KCNB2: variants seen among roughly 807,000 people sequenced by gnomAD.
KCNB2 encodes potassium voltage-gated channel subfamily B member 2, also known as delayed rectifier potassium channel protein.
Under a neutral mutation model 61.5 loss-of-function variants are expected in KCNB2, and 15 were observed. The ratio of observed to expected loss-of-function variants is 0.24; its 90% CI spans 0.16 to 0.38. The LOEUF (loss-of-function observed/expected upper bound fraction) is 0.38. Ranked by LOEUF, KCNB2 falls within the 10% of genes least tolerant of loss-of-function variation. The probability of loss-of-function intolerance (pLI) is 1.00; values close to 1 mark genes in which losing one functional copy is unlikely to be tolerated. For synonymous variants in KCNB2, 457 were observed against 446.0 expected, an observed-to-expected ratio of 1.02 and a Z score of -0.31; for missense variants, 828 against 1,125.2, an observed-to-expected ratio of 0.74 and a Z score of 3.78.
In KCNB2 at chr8:72,769,520, A is replaced by T. The variant is rs577178647; in HGVS notation, c.580-166415A>T. Among the ~76,000 whole-genome samples the T allele has an allele frequency of 3.9e-5, 6 of 152,326 alleles. No homozygotes were observed. The East Asian group carries it at 1.2e-3, about 29-fold the overall frequency. ...TTAATTCTGCCAGGGGTGCAATTTG[A>T]GCTCAGCTTGGAAGGTGGGAAAGAC... On this transcript the variant is annotated intron_variant, in intron 2 of 2. Transcript: ENST00000523207.
At chr8:72,622,538 T>C (rs917659044) in intron 2 of KCNB2, among the ~76,000 whole-genome samples, 2 of 152,174 alleles carry the variant, frequency 1.3e-5, no homozygotes, top group Admixed American at 1.3e-4. Context: ...CCTTTTTCTG[T>C]GTCAAGCTTC....
intron 2 of KCNB2, among the ~76,000 whole-genome samples, chr8:72,771,980 G>T (rs1042986530): frequency 3.3e-5 from 5 of 152,072 alleles, no homozygotes; most frequent in Non-Finnish European, 5.9e-5. Flanking sequence ...ACTAGTAGGT[G>T]GGACTCAGGA....
At chr8:72,590,316 G>C (rs764755371) in intron 2 of KCNB2, among the ~76,000 whole-genome samples, 1 of 152,064 alleles carries the variant, frequency 6.6e-6, no homozygotes, top group Admixed American at 6.6e-5. Context: ...AAGAATGGAG[G>C]TGTCTTCCTG....
At chr8:72,724,164 T>C (rs1807594984) in intron 2 of KCNB2, among the ~76,000 whole-genome samples, 1 of 152,220 alleles carries the variant, frequency 6.6e-6, no homozygotes, top group Non-Finnish European at 1.5e-5. Context: ...GTTATAGCGG[T>C]ATTTCGTCTT....
chr8:72,831,335 T>C (rs565294094), intron 2 of KCNB2, among the ~76,000 whole-genome samples: 13 of 152,234 alleles, frequency 8.5e-5, no homozygotes, highest in Non-Finnish European at 1.5e-5. Context: ...GTTGTTTCTA[T>C]TGAAACTAAA....
At chr8:72,691,638 T>C (rs1055873529) in intron 2 of KCNB2, among the ~76,000 whole-genome samples, 1 of 152,218 alleles carries the variant, frequency 6.6e-6, no homozygotes, top group Non-Finnish European at 1.5e-5. Flanking sequence ...GACATTCAAA[T>C]GGAGAACCTG....
chr8:72,925,399 C>T lies in KCNB2; in HGVS notation c.580-10536C>T, dbSNP rs183224036. 3.5e-3 allele frequency among the ~76,000 whole-genome samples: 533 copies of T among 152,312 alleles called. 3 individuals are homozygous for T. The highest frequency in any genetic ancestry group is 7.0e-3 in the Admixed American group (107 of 15,306). ...ATAGGTCCTTAAACTGGTCTTCTCC[C>T]TTTGTGATTTCAGAATGTACACTTA... On this transcript the variant is annotated intron_variant, in intron 2 of 2. Transcript: ENST00000523207.
chr8:72,659,356 T>TA (rs1806344070), intron 2 of KCNB2, among the ~76,000 whole-genome samples: 1 of 152,222 alleles, frequency 6.6e-6, no homozygotes, highest in Admixed American at 6.5e-5. Context: ...TTGTCTTTAA[T>TA]AGATGAGGAG....
At chr8:72,779,907 A>G (rs1252901188) in intron 2 of KCNB2, among the ~76,000 whole-genome samples, 4 of 152,102 alleles carry the variant, frequency 2.6e-5, no homozygotes, top group Admixed American at 2.0e-4. Context: ...TTATTCCTTT[A>G]GTTTGACAAT....
At chr8:72,812,456 A>G (rs1162319766) in intron 2 of KCNB2, among the ~76,000 whole-genome samples, 3 of 152,142 alleles carry the variant, frequency 2.0e-5, no homozygotes, top group Non-Finnish European at 4.4e-5. Context: ...CAGCAGGAAT[A>G]CTTTTTTGTT....
chr8:72,554,639 T>C (rs1806395681), intron 1 of KCNB2, among the ~76,000 whole-genome samples: 1 of 152,150 alleles, frequency 6.6e-6, no homozygotes, highest in Admixed American at 6.5e-5. Context: ...GAAGATTGTT[T>C]AAATCTACCA....
chr8:72,561,192 C>G (rs147065445), intron 1 of KCNB2, among the ~76,000 whole-genome samples: 1 of 150,446 alleles, frequency 6.6e-6, no homozygotes, highest in African/African-American at 2.5e-5. Context: ...GAGTCTTGCT[C>G]TGTCACTAGG....
In KCNB2 at chr8:72,920,912, C is replaced by T. The variant is rs554882703; in HGVS notation, c.580-15023C>T. On this transcript the variant is annotated intron_variant, in intron 2 of 2. Coordinates refer to ENST00000523207, the MANE Select transcript of KCNB2 (RefSeq NM_004770.3). ...AGAGCTAAGAAAGGACCAATAGGAC[C>T]GTAACACAGAAACTATAGATAAGGT... is the stretch of plus-strand genomic sequence containing the variant. 2.6e-4 allele frequency among the ~76,000 whole-genome samples: 40 copies of T among 151,998 alleles called. 1 individual carries two copies. The highest frequency in any genetic ancestry group is 4.3e-4 in the Non-Finnish European group (29 of 67,956).
At chr8:72,620,783 T>G (rs1057230764) in intron 2 of KCNB2, among the ~76,000 whole-genome samples, 1 of 151,968 alleles carries the variant, frequency 6.6e-6, no homozygotes, top group Non-Finnish European at 1.5e-5. Flanking sequence ...TAATTTCGTG[T>G]TTTTAGTAGA....
chr8:72,771,424 T>A (rs1808558520), intron 2 of KCNB2, among the ~76,000 whole-genome samples: 2 of 152,224 alleles, frequency 1.3e-5, no homozygotes, highest in Non-Finnish European at 2.9e-5. Context: ...TTGTATTTTA[T>A]TAAATGAATT....
At chr8:72,778,875 A>T (rs1808710014) in intron 2 of KCNB2, among the ~76,000 whole-genome samples, 2 of 152,064 alleles carry the variant, frequency 1.3e-5, no homozygotes, top group Admixed American at 1.3e-4. Flanking sequence ...ACAACCTCGT[A>T]GCCTCATTTC....
intron 2 of KCNB2, among the ~76,000 whole-genome samples, chr8:72,776,832 G>A (rs1563381949): frequency 6.6e-6 from 1 of 152,166 alleles, no homozygotes; most frequent in African/African-American, 2.4e-5. Flanking sequence ...AGGAGACCTT[G>A]CTGCCTGCTG....
At chr8:72,738,195 A>G (rs1419727226) in intron 2 of KCNB2, among the ~76,000 whole-genome samples, 1 of 152,156 alleles carries the variant, frequency 6.6e-6, no homozygotes, top group African/African-American at 2.4e-5. Flanking sequence ...CATAATGTCC[A>G]CCAACTTCTC....
chr8:72,638,609 T>C (rs1378224289), intron 2 of KCNB2, among the ~76,000 whole-genome samples: 2 of 152,142 alleles, frequency 1.3e-5, no homozygotes, highest in African/African-American at 2.4e-5. Flanking sequence ...AACTACCATC[T>C]AATTTCTGCC....
Sources: allele counts gnomAD v4.1 joint callset (sites outside exome capture counted in the v4.1 genomes callset), GRCh38; gene constraint gnomAD v4.1.1; transcripts MANE v1.5; gene names NCBI Gene and HGNC (gene_info 2026-07-23, HGNC 2026-07-21).